FAM117A: variants seen among roughly 807,000 people sequenced by gnomAD.
The protein encoded by FAM117A is protein FAM117A.
In FAM117A, 21 loss-of-function variants were observed where a neutral mutation model predicts 44.1. The observed-to-expected ratio is 0.48, with a 90% CI of 0.34 to 0.69. The LOEUF (loss-of-function observed/expected upper bound fraction) is 0.69. FAM117A is among the 30% of genes least tolerant of loss of function. The pLI, the probability that FAM117A is intolerant of heterozygous loss-of-function variation, is 0.01. For missense variants in FAM117A, 498 were observed against 589.9 expected (o/e 0.84, Z 1.61); for synonymous variants, 220 against 238.3 (o/e 0.92, Z 0.71).
intron 1 of FAM117A, among the ~76,000 whole-genome samples, chr17:49,777,962 T>C (rs2073779569): frequency 6.6e-6 from 1 of 152,198 alleles, no homozygotes. Context: ...GTGAGACCAA[T>C]GACTTATACA....
chr17:49,738,801 C>CT (rs1426274459), intron 1 of FAM117A, among the ~76,000 whole-genome samples: 3 of 152,100 alleles, frequency 2.0e-5, no homozygotes, highest in Admixed American at 6.5e-5. Context: ...AGGGAGGGGA[C>CT]TTTTTTTAAA....
At chr17:49,751,580 AAAAT>A (rs921157833) in intron 1 of FAM117A, among the ~76,000 whole-genome samples, 2 of 151,858 alleles carry the variant, frequency 1.3e-5, no homozygotes, top group African/African-American at 2.4e-5. Context: ...CTCGGTCTCA[AAAAT>A]AAATAAATAA....
chr17:49,782,441 G>A (rs1451635659), intron 1 of FAM117A, among the ~76,000 whole-genome samples: 1 of 146,774 alleles, frequency 6.8e-6, no homozygotes, highest in Non-Finnish European at 1.5e-5. Flanking sequence ...TGTAATCCGA[G>A]CATTTTGGGA....
chr17:49,738,306 C>A (rs1336728098), intron 1 of FAM117A, among the ~76,000 whole-genome samples: 1 of 152,212 alleles, frequency 6.6e-6, no homozygotes, highest in Admixed American at 6.5e-5. Context: ...ACTCTACATT[C>A]TTTCCGGCTC....
At chr17:49,748,402 C>A (rs571638472) in intron 1 of FAM117A, among the ~76,000 whole-genome samples, 3 of 152,292 alleles carry the variant, frequency 2.0e-5, no homozygotes, top group African/African-American at 4.8e-5. Flanking sequence ...AATTTGAGGG[C>A]AGCCTCTTCG....
chr17:49,740,680 C>G (rs1414120846), intron 1 of FAM117A, among the ~76,000 whole-genome samples: 1 of 152,190 alleles, frequency 6.6e-6, no homozygotes, highest in Non-Finnish European at 1.5e-5. Context: ...GCCAGGCTAC[C>G]AGGCAAGACC....
intron 1 of FAM117A, among the ~76,000 whole-genome samples, chr17:49,772,430 A>C (rs1402512828): frequency 1.3e-5 from 2 of 151,906 alleles, no homozygotes; most frequent in African/African-American, 4.8e-5. Flanking sequence ...ACATAGTGAA[A>C]CCCTGTCTCT....
chr17:49,734,532 C>T (rs769818449), intron 1 of FAM117A, among the ~76,000 whole-genome samples: 80 of 152,104 alleles, frequency 5.3e-4, no homozygotes, highest in Non-Finnish European at 9.6e-4. Flanking sequence ...GCAGACCTTG[C>T]AGTGAGCCGA....
chr17:49,712,910 T>C (rs1265276226), intron 7 of FAM117A, among the ~76,000 whole-genome samples: 2 of 152,172 alleles, frequency 1.3e-5, no homozygotes, highest in East Asian at 3.8e-4. Context: ...AGGGTCTTGC[T>C]CTCTCACCCA....
At chr17:49,719,984 A>C in intron 4 of FAM117A, 90 bp from the exon 5 acceptor site, 1 of 1,479,048 alleles carries the variant, frequency 6.8e-7, no homozygotes, top group Non-Finnish European at 9.0e-7. Context: ...TCATGTCCAC[A>C]CAGCAGAACT....
intron 1 of FAM117A, among the ~76,000 whole-genome samples, chr17:49,771,716 T>C (rs149496223): frequency 7.8e-4 from 119 of 152,310 alleles, no homozygotes; most frequent in Non-Finnish European, 1.1e-3. Flanking sequence ...CCTCCACACC[T>C]GACTTTCCTA....
At chr17:49,783,437 G>C (rs1230682781) in intron 1 of FAM117A, among the ~76,000 whole-genome samples, 2 of 152,038 alleles carry the variant, frequency 1.3e-5, no homozygotes, top group Non-Finnish European at 2.9e-5. Flanking sequence ...TCAAAATGTG[G>C]TTATTTGACT....
At chr17:49,734,664 G>C (rs973251147) in intron 1 of FAM117A, among the ~76,000 whole-genome samples, 1 of 151,840 alleles carries the variant, frequency 6.6e-6, no homozygotes, top group Non-Finnish European at 1.5e-5. Flanking sequence ...TCCTCAAAAA[G>C]TGAAACATAG....
intron 1 of FAM117A, chr17:49,733,007 A>AT: frequency 3.0e-6 from 1 of 338,658 alleles, no homozygotes; most frequent in Non-Finnish European, 5.6e-6. Flanking sequence ...CTAATGGACT[A>AT]TGAACCGTGA....
chr17:49,769,244 G>A (rs1004289133), intron 1 of FAM117A, among the ~76,000 whole-genome samples: 1 of 152,038 alleles, frequency 6.6e-6, no homozygotes, highest in Admixed American at 6.6e-5. Context: ...GCAGTAAGCC[G>A]AGATCGTGCC....
intron 1 of FAM117A, among the ~76,000 whole-genome samples, chr17:49,750,319 G>A (rs2073671345): frequency 6.7e-6 from 1 of 148,714 alleles, no homozygotes; most frequent in South Asian, 2.1e-4. Context: ...TTCCTTGTGT[G>A]GTGTTCTATT....
At chr17:49,762,985 C>T (rs2073727981) in intron 1 of FAM117A, among the ~76,000 whole-genome samples, 2 of 152,158 alleles carry the variant, frequency 1.3e-5, no homozygotes, top group Non-Finnish European at 1.5e-5. Flanking sequence ...GGGTACTTGC[C>T]ACCATGCACT....
intron 1 of FAM117A, among the ~76,000 whole-genome samples, chr17:49,736,280 G>T (rs1285302175): frequency 6.8e-6 from 1 of 147,692 alleles, no homozygotes; most frequent in Admixed American, 6.7e-5. Context: ...TTTTTGAGAC[G>T]GAGTCACGCT....
At chr17:49,724,160 A>G (rs749509975) in intron 2 of FAM117A, among the ~76,000 whole-genome samples, 19 of 152,112 alleles carry the variant, frequency 1.2e-4, no homozygotes, top group Non-Finnish European at 2.1e-4. Flanking sequence ...CTGAAAAGTG[A>G]GGAGGAAGCC....
Sources: allele counts gnomAD v4.1 joint callset (sites outside exome capture counted in the v4.1 genomes callset), GRCh38; gene constraint gnomAD v4.1.1; transcripts MANE v1.5; gene names NCBI Gene and HGNC (gene_info 2026-07-23, HGNC 2026-07-21).